LRRIQ1: variants seen among roughly 807,000 people sequenced by gnomAD.
The protein encoded by LRRIQ1 is leucine-rich repeat- and IQ domain-containing protein 1.
In LRRIQ1, 210 loss-of-function variants were observed where a neutral mutation model predicts 211.9. The ratio of observed to expected loss-of-function variants is 0.99; its 90% confidence interval spans 0.89 to 1.11. The LOEUF is 1.11. LRRIQ1 is among the 50% of genes most tolerant of loss of function. The pLI is 0.00. For missense variants in LRRIQ1, 2,136 were observed against 1,939.5 expected, an observed-to-expected ratio of 1.10 and a Z score of -1.90; for synonymous variants, 699 against 650.1, an observed-to-expected ratio of 1.08 and a Z score of -1.14.
downstream of LRRIQ1, among the ~76,000 whole-genome samples, chr12:85,266,949 A>G (rs965933303): frequency 7.9e-5 from 12 of 152,128 alleles, no homozygotes; most frequent in African/African-American, 2.4e-4. Context: ...TAGCACTCCT[A>G]CATTTTAGGA....
exon 2 of LRRIQ1, chr12:85,263,460 T>C (rs1593037972): frequency 6.6e-6 from 1 of 152,190 alleles, no homozygotes; most frequent in Middle Eastern, 3.4e-3. Context: ...AATATATTAA[T>C]AAACTTTATT....
chr12:85,185,932 GTAAC>G (rs768134521), intron 24 of LRRIQ1, among the ~76,000 whole-genome samples: 2 of 151,828 alleles, frequency 1.3e-5, no homozygotes, highest in Admixed American at 6.6e-5. Context: ...TAAATGATAA[GTAAC>G]TGATAAAATT....
chr12:85,120,511 G>A (rs1195492809), intron 15 of LRRIQ1, among the ~76,000 whole-genome samples: 2 of 152,056 alleles, frequency 1.3e-5, no homozygotes, highest in African/African-American at 4.8e-5. Context: ...GGCTATTTTG[G>A]ATCTTTTACC....
At chr12:85,133,813 A>G (rs1296425196) in intron 18 of LRRIQ1, among the ~76,000 whole-genome samples, 1 of 152,174 alleles carries the variant, frequency 6.6e-6, no homozygotes, top group Non-Finnish European at 1.5e-5. Context: ...AAGGAAGGTT[A>G]ACATTGAATG....
chr12:85,211,003 T>C (rs1893811589), intron 24 of LRRIQ1, among the ~76,000 whole-genome samples: 1 of 152,220 alleles, frequency 6.6e-6, no homozygotes, highest in African/African-American at 2.4e-5. Context: ...ACTCCTTCAC[T>C]TTACCTTTGT....
rs752596825 is a variant in LRRIQ1, at chr12:85,124,518, A to C, written c.4006A>C (p.Ile1336Leu). The change falls in exon 17 of 27, where the codon ATT (isoleucine) becomes CTT (leucine). Residue 1336 changes from isoleucine (I) to leucine (L), a missense_variant and splice_region_variant. Coordinates refer to ENST00000393217, the MANE Select transcript of LRRIQ1 (RefSeq NM_001079910.2). ...NHQNIEPSEK[I>L]MAAVVIQSYW... ...CCAAAATATTGAGCCTAGTGAAAAA[A>C]TGTAAGATATATAAATAATGTTTCT... is the stretch of plus-strand genomic sequence containing the variant. The C allele has an allele frequency of 5.6e-6, 9 of 1,597,428 alleles. No individual in the cohort carries two copies. Among genetic ancestry groups the C allele is most frequent in the Non-Finnish European group, 7.7e-6 (9 of 1,168,916 alleles).
At chr12:85,132,656 A>G (rs1010406342) in intron 18 of LRRIQ1, among the ~76,000 whole-genome samples, 15 of 152,044 alleles carry the variant, frequency 9.9e-5, no homozygotes, top group African/African-American at 3.4e-4. Flanking sequence ...TCAGCTACTC[A>G]GGAGGTTGTG....
intron 24 of LRRIQ1, among the ~76,000 whole-genome samples, chr12:85,196,624 A>G (rs972894126): frequency 2.6e-5 from 4 of 152,174 alleles, no homozygotes; most frequent in African/African-American, 9.7e-5. Context: ...GGCTAGCCAT[A>G]TGTAGAAAGC....
chr12:85,087,411 C>G (rs547172998), intron 11 of LRRIQ1, among the ~76,000 whole-genome samples: 2 of 152,130 alleles, frequency 1.3e-5, no homozygotes, highest in Non-Finnish European at 2.9e-5. Context: ...CATATGTGTG[C>G]ATGTGTCTTT....
chr12:85,065,505 A>G, intron 9 of LRRIQ1, 91 bp downstream of exon 9: 1 of 1,078,014 alleles, frequency 9.3e-7, no homozygotes, highest in Non-Finnish European at 1.3e-6. Context: ...TTGAAGAAAC[A>G]ATTACTAAAC....
At chr12:85,264,154 C>G (rs544784322) in exon 2 of LRRIQ1, 1 of 152,130 alleles carries the variant, frequency 6.6e-6, no homozygotes, top group East Asian at 1.9e-4. Flanking sequence ...TATCCCCCAT[C>G]TACTTTTGGA....
chr12:85,126,240 A>C (rs1888362890), intron 17 of LRRIQ1, among the ~76,000 whole-genome samples: 1 of 152,108 alleles, frequency 6.6e-6, no homozygotes, highest in Admixed American at 6.6e-5. Flanking sequence ...TCCCTGGGGA[A>C]TTTTGATGAT....
chr12:85,182,346 G>T (rs77588093), intron 24 of LRRIQ1, among the ~76,000 whole-genome samples: 2 of 152,110 alleles, frequency 1.3e-5, no homozygotes, highest in Non-Finnish European at 2.9e-5. Context: ...CATGACAGAG[G>T]TTGGTAGATT....
chr12:85,215,881 A>ATT (rs1894055284), intron 24 of LRRIQ1, among the ~76,000 whole-genome samples: 1 of 152,218 alleles, frequency 6.6e-6, no homozygotes, highest in African/African-American at 2.4e-5. Context: ...TACCTACAGA[A>ATT]TTGTTCTATG....
At position 85,137,985 on chromosome 12, in the gene LRRIQ1, A is replaced by G; in HGVS notation, c.4329+16A>G. 4 of 1,292,788 alleles carry G rather than the reference A, an allele frequency of 3.1e-6. No homozygotes were observed. The highest frequency in any genetic ancestry group is 2.7e-5 in the South Asian group (2 of 74,488). The allele number at this position is 1,292,788 out of a possible 1,614,324, so 80.1% of individuals were successfully genotyped here. ...ATTTGATGAAGTAAGTACGAACTAT[A>G]GTATATAAATATTGGTCTTAAAATA... On this transcript the variant is annotated intron_variant, in intron 19 of 26. Transcript: ENST00000393217.
downstream of LRRIQ1, among the ~76,000 whole-genome samples, chr12:85,247,941 T>C (rs1895778963): frequency 6.6e-6 from 1 of 151,726 alleles, no homozygotes; most frequent in Non-Finnish European, 1.5e-5. Flanking sequence ...TCTTCTGCTA[T>C]CTAAATTTCT....
intron 11 of LRRIQ1, among the ~76,000 whole-genome samples, chr12:85,078,303 A>G (rs1883895128): frequency 6.6e-6 from 1 of 152,126 alleles, no homozygotes; most frequent in Non-Finnish European, 1.5e-5. Context: ...ATCCTGTATA[A>G]TATTATTTTT....
At chr12:85,060,457 T>A (rs978003460) in intron 8 of LRRIQ1, among the ~76,000 whole-genome samples, 1 of 151,956 alleles carries the variant, frequency 6.6e-6, no homozygotes, top group African/African-American at 2.4e-5. Context: ...AAAAGGGCAC[T>A]GAGCTTAAGG....
rs1176103899 is a variant in LRRIQ1 at position 85,194,317 on chromosome 12, G to T, written c.4822+33603G>T. ...GGAATTGAACTCAGCTCTGCACCAAGCAGACCTAATAGACATCTACAGAAC... is the reference window on the plus strand; with the variant it reads ...GGAATTGAACTCAGCTCTGCACCAATCAGACCTAATAGACATCTACAGAAC... On this transcript the variant is annotated intron_variant, in intron 24 of 26. Transcript: ENST00000393217. Among the ~76,000 whole-genome samples, 285 of 110,502 alleles carry T rather than the reference G, an allele frequency of 2.6e-3. 3 individuals are homozygous for T. The highest frequency in any genetic ancestry group is 9.6e-3 in the African/African-American group (268 of 27,800). The allele number at this position is 110,502 out of a possible 152,430, so 72.5% of individuals were successfully genotyped here. A position where few individuals can be genotyped will look rare whatever the true frequency, so the allele number is the denominator to read the frequency against.
Sources: gnomAD v4.1 joint callset for allele counts (sites outside exome capture counted in the v4.1 genomes callset) on GRCh38, gnomAD v4.1.1 for gene constraint, MANE v1.5 for transcripts, NCBI Gene and HGNC (gene_info 2026-07-23, HGNC 2026-07-21) for gene names.